The following ATL1 variants were observed in gnomAD, a reference collection of about 807,000 sequenced individuals.
ATL1 encodes atlastin-1.
In ATL1, 31 loss-of-function variants were observed where a neutral mutation model predicts 75.5. The observed-to-expected ratio is 0.41, with a 90% confidence interval of 0.31 to 0.55. The LOEUF (loss-of-function observed/expected upper bound fraction) is 0.55, where lower values mean the gene tolerates loss of function less well. Ranked by LOEUF, ATL1 falls within the 20% of genes least tolerant of loss-of-function variation. The pLI is 0.27. For synonymous variants in ATL1, 226 were observed against 233.3 expected, an observed-to-expected ratio of 0.97 and a Z score of 0.28; for missense variants, 405 against 662.6, an observed-to-expected ratio of 0.61 and a Z score of 4.27.
chr14:50,613,762 C>G (rs528356080), intron 7 of ATL1, among the ~76,000 whole-genome samples: 1 of 152,230 alleles, frequency 6.6e-6, no homozygotes, highest in South Asian at 2.1e-4. Flanking sequence ...AAAGTGCCTA[C>G]TGGGAAATCA....
Position 50,588,063 on chromosome 14 carries a change from A to G in ATL1, c.267A>G (p.Arg89=). ...CATTCCTGATGGACTTCATGTTGAG[A>G]TACATGTACAACCAGGTATGCAGGA... ...GKSFLMDFML[R]YMYNQESVDW... The change falls in exon 2 of 14, where the codon AGA becomes AGG. Residue 89 remains arginine, a synonymous_variant. Transcript: ENST00000358385. 1 of 1,614,198 alleles carries G rather than the reference A, an allele frequency of 6.2e-7. No homozygotes were observed. The highest frequency in any genetic ancestry group is 8.5e-7 in the Non-Finnish European group (1 of 1,180,022).
chr14:50,548,986 C>T (rs2038668789), intron 1 of ATL1, among the ~76,000 whole-genome samples: 1 of 152,204 alleles, frequency 6.6e-6, no homozygotes, highest in Non-Finnish European at 1.5e-5. Flanking sequence ...AAGCCCGTCT[C>T]TGGGGTGGCA....
intron 8 of ATL1, 33 bp downstream of exon 8, chr14:50,614,544 C>T: frequency 1.2e-6 from 2 of 1,607,746 alleles, no homozygotes; most frequent in South Asian, 1.1e-5. Flanking sequence ...GTTTGCATCA[C>T]TTAGTCTGAT....
intron 6 of ATL1, among the ~76,000 whole-genome samples, chr14:50,599,827 G>A (rs2039255274): frequency 6.6e-6 from 1 of 152,026 alleles, no homozygotes; most frequent in African/African-American, 2.4e-5. Flanking sequence ...ATATGATGAA[G>A]TAAAGTAGCA....
chr14:50,619,853 C>A (rs1359308266), intron 8 of ATL1, among the ~76,000 whole-genome samples: 5 of 152,166 alleles, frequency 3.3e-5, no homozygotes, highest in Non-Finnish European at 7.3e-5. Context: ...ATGCACGGAG[C>A]AATTTTTGGA....
intron 3 of ATL1, 101 bp downstream of exon 3, chr14:50,591,176 T>C: frequency 8.0e-7 from 1 of 1,242,864 alleles, no homozygotes; most frequent in Non-Finnish European, 1.1e-6. Flanking sequence ...ATTTTGACCA[T>C]TTGACATGAA....
intron 1 of ATL1, among the ~76,000 whole-genome samples, chr14:50,548,840 C>T (rs1359996977): frequency 6.6e-6 from 1 of 152,038 alleles, no homozygotes; most frequent in Non-Finnish European, 1.5e-5. Context: ...GGCAGAATCC[C>T]ACTATACAGT....
At chr14:50,575,427 A>T (rs2140189544) in intron 1 of ATL1, among the ~76,000 whole-genome samples, 1 of 152,270 alleles carries the variant, frequency 6.6e-6, no homozygotes, top group Admixed American at 6.5e-5. Flanking sequence ...ATAATCCCAT[A>T]TCTCTACTGT....
intron 8 of ATL1, among the ~76,000 whole-genome samples, chr14:50,617,642 A>T (rs1401089600): frequency 6.6e-6 from 1 of 152,232 alleles, no homozygotes; most frequent in African/African-American, 2.4e-5. Flanking sequence ...TGTGTCAGGT[A>T]ACCACCACTT....
chr14:50,566,702 A>AT (rs926968245), intron 1 of ATL1, among the ~76,000 whole-genome samples: 2 of 152,024 alleles, frequency 1.3e-5, no homozygotes, highest in African/African-American at 4.8e-5. Flanking sequence ...TTTTATACAT[A>AT]TTTTTTATAT....
At chr14:50,591,928 CAT>C in intron 4 of ATL1, 2 of 342,550 alleles carry the variant, frequency 5.8e-6, no homozygotes, top group Non-Finnish European at 5.4e-6. Flanking sequence ...AACTCAGTAA[CAT>C]AAATCTTATA....
At chr14:50,627,995 G>A (rs1285905206) in intron 11 of ATL1, 36 bp from the exon 12 acceptor site, 1 of 1,610,036 alleles carries the variant, frequency 6.2e-7, no homozygotes, top group Admixed American at 1.7e-5. Flanking sequence ...ATTTTACTCT[G>A]CATTGCATAA....
chr14:50,533,753 A>G (rs982474284), intron 1 of ATL1, among the ~76,000 whole-genome samples: 4 of 152,094 alleles, frequency 2.6e-5, no homozygotes, highest in African/African-American at 9.6e-5. Flanking sequence ...TGAGAATTAA[A>G]ATACTCCTTA....
intron 8 of ATL1, among the ~76,000 whole-genome samples, chr14:50,617,220 GTTAAT>G (rs1179664685): frequency 5.3e-5 from 8 of 152,070 alleles, no homozygotes; most frequent in African/African-American, 1.9e-4. Flanking sequence ...TTTAACTACT[GTTAAT>G]TTAAGAACTT....
chr14:50,583,848 A>G (rs2039077851), intron 1 of ATL1, among the ~76,000 whole-genome samples: 1 of 152,142 alleles, frequency 6.6e-6, no homozygotes, highest in Non-Finnish European at 1.5e-5. Flanking sequence ...TGATGAATGG[A>G]TCAGAACTGA....
intron 2 of ATL1, among the ~76,000 whole-genome samples, chr14:50,589,652 C>T (rs1209437884): frequency 6.6e-6 from 1 of 152,146 alleles, no homozygotes; most frequent in Non-Finnish European, 1.5e-5. Flanking sequence ...TGTACACCTT[C>T]TTCCCTAGAG....
intron 1 of ATL1, among the ~76,000 whole-genome samples, chr14:50,568,661 T>C (rs2038926937): frequency 6.6e-6 from 1 of 152,176 alleles, no homozygotes; most frequent in Admixed American, 6.5e-5. Context: ...TTTATATCTG[T>C]TTACATTTAA....
At chr14:50,533,379 CA>C (rs1280558679) in intron 1 of ATL1, 3 of 152,054 alleles carry the variant, frequency 2.0e-5, no homozygotes, top group Non-Finnish European at 4.4e-5. Context: ...TAAGATTTTG[CA>C]TCTGACACCC....
At chr14:50,608,542 T>G (rs1444159924) in intron 6 of ATL1, among the ~76,000 whole-genome samples, 1 of 152,046 alleles carries the variant, frequency 6.6e-6, no homozygotes, top group Non-Finnish European at 1.5e-5. Context: ...GCAGGAAACC[T>G]GGGAGTTGGA....
Sources: allele counts gnomAD v4.1 joint callset (sites outside exome capture counted in the v4.1 genomes callset), GRCh38; gene constraint gnomAD v4.1.1; transcripts MANE v1.5; gene names NCBI Gene and HGNC (gene_info 2026-07-23, HGNC 2026-07-21).